SMAD4: variants seen among roughly 807,000 people sequenced by gnomAD.
SMAD4 encodes the protein SMAD family member 4, also known as MAD homolog 4.
In SMAD4, 7 loss-of-function variants were observed where a neutral mutation model predicts 63.2. The observed-to-expected ratio is 0.11, with a 90% CI of 0.06 to 0.21. SMAD4 has a LOEUF of 0.21. Ranked by LOEUF, SMAD4 falls within the 10% of genes least tolerant of loss-of-function variation. The pLI, the probability that SMAD4 is intolerant of heterozygous loss-of-function variation, is 1.00. For synonymous variants in SMAD4, 215 were observed against 235.4 expected (o/e 0.91, Z 0.79); for missense variants, 312 against 693.8 (o/e 0.45, Z 6.18).
chr18:51,033,202 T>G (rs1411793262), intron 1 of SMAD4, among the ~76,000 whole-genome samples: 3 of 150,372 alleles, frequency 2.0e-5, no homozygotes, highest in African/African-American at 7.4e-5. Flanking sequence ...TTTTTTTTTT[T>G]TTTTTGAGAT....
chr18:51,075,358 C>G (rs1910445182), intron 10 of SMAD4, among the ~76,000 whole-genome samples: 2 of 152,214 alleles, frequency 1.3e-5, no homozygotes, highest in South Asian at 4.1e-4. Context: ...TCAGATTTCT[C>G]TTATTTTCAA....
Position 51,073,175 on chromosome 18 carries a change from A to T in SMAD4, c.1309-3463A>T, listed in dbSNP as rs138741678. Among the ~76,000 whole-genome samples the T allele has an allele frequency of 9.9e-5, 15 of 152,026 alleles. No individual in the cohort carries two copies. In the East Asian group the frequency reaches 2.7e-3, roughly 27 times the overall value. The stretch of plus-strand genomic sequence containing the variant: ...ACCTGTAATATGTGCTGCTGATGTT[A>T]GCATAGATTCAGGCTGAAACAATCC... On this transcript the variant is annotated intron_variant, in intron 10 of 11. Transcript: ENST00000342988.
rs1029049533 is a variant in SMAD4 at position 51,054,149 on chromosome 18, C to G, written c.455-632C>G. 1.4e-4 allele frequency: 21 copies of G among 153,750 alleles called. No individual in the cohort carries two copies. The East Asian group carries it at 2.7e-3, about 20-fold the overall frequency. The allele number at this position is 153,750 out of a possible 1,614,324, so 9.5% of individuals were successfully genotyped here. On this transcript the variant is annotated intron_variant, in intron 4 of 11. Coordinates refer to ENST00000342988, the MANE Select transcript of SMAD4 (RefSeq NM_005359.6). ...GAGTTTTCTCACACCATATATTAAT[C>G]AAATACTCTTATTTGGGTTGGGTTT...
At position 51,067,176 on chromosome 18, in the gene SMAD4, G is replaced by A. The variant is rs1599197175; in HGVS notation, c.1297G>A (p.Ala433Thr). 1 of 1,578,270 alleles carries A rather than the reference G, an allele frequency of 6.3e-7. No individual in the cohort carries two copies. Among genetic ancestry groups the A allele is most frequent in the African/African-American group, 1.3e-5 (1 of 74,196 alleles). Residue 433 changes from alanine to threonine, a missense_variant, in exon 10 of 12, where the codon GCA becomes ACA. By Grantham distance (58) the Ala-to-Thr change is moderately conservative. Around this residue, in one of 4 missense-constraint regions of SMAD4, gnomAD observed 92 missense variants for 305.9 expected, o/e 0.30. Transcript: ENST00000342988. The stretch of plus-strand genomic sequence containing the variant: ...TGCTGTTCATAAGATCTACCCAAGT[G>A]CATATATAAAGGTTAGTTACAATTT... ...GDAVHKIYPS[A>T]YIKVFDLRQC...
chr18:51,031,493 A>G (rs186055305), intron 1 of SMAD4, among the ~76,000 whole-genome samples: 62 of 152,296 alleles, frequency 4.1e-4, no homozygotes, highest in Admixed American at 1.3e-3. Context: ...TTCTTAATGC[A>G]TTTAGTTTTT....
chr18:51,074,988 G>A (rs1471441242), intron 10 of SMAD4, among the ~76,000 whole-genome samples: 1 of 152,130 alleles, frequency 6.6e-6, no homozygotes, highest in Non-Finnish European at 1.5e-5. Flanking sequence ...GGGATTACAG[G>A]CATCTGCCAC....
intron 10 of SMAD4, among the ~76,000 whole-genome samples, chr18:51,073,565 C>T (rs1343120262): frequency 6.6e-6 from 1 of 151,506 alleles, no homozygotes; most frequent in East Asian, 1.9e-4. Flanking sequence ...GAGTCTTGCT[C>T]TGTTGCCCAG....
intron 1 of SMAD4, among the ~76,000 whole-genome samples, chr18:51,038,859 C>T (rs1055869750): frequency 3.3e-5 from 5 of 151,976 alleles, no homozygotes; most frequent in East Asian, 1.9e-4. Flanking sequence ...GTATATAGCC[C>T]GCATAAAAGC....
At chr18:51,065,652 G>GTACAT in intron 9 of SMAD4, 46 bp downstream of exon 9, 1 of 1,482,192 alleles carries the variant, frequency 6.7e-7, no homozygotes, top group Non-Finnish European at 9.4e-7. Flanking sequence ...ATTGAGCATA[G>GTACAT]TACATTGTCT....
rs768803926 is a variant in SMAD4 at position 51,047,037 on chromosome 18, A to T, written c.-10A>T. On this transcript the variant is annotated 5_prime_UTR_variant, in exon 2 of 12. Coordinates refer to ENST00000342988, the MANE Select transcript of SMAD4 (RefSeq NM_005359.6). ...AGACATATTTGATTTAAAAGGAAAA[A>T]CTTGAACAAATGGACAATATGTCTA... The T allele has an allele frequency of 1.2e-6, 2 of 1,613,056 alleles. No homozygotes were observed. The highest frequency in any genetic ancestry group is 1.7e-6 in the Non-Finnish European group (2 of 1,179,146).
At position 51,037,764 on chromosome 18, in the gene SMAD4, CAG is replaced by C. The variant is rs1212161344; in HGVS notation, c.-128+7143_-128+7144del. Among the ~76,000 whole-genome samples the C allele has an allele frequency of 3.9e-5, 6 of 152,212 alleles. No individual in the cohort carries two copies. In the East Asian group the frequency reaches 1.2e-3, roughly 29 times the overall value. ...TTTTTATTTTTATTTAACAGGATGA[CAG>C]ATAAGCTCAGATAGCTATTTAGATT... On this transcript the variant is annotated intron_variant, in intron 1 of 11. Coordinates refer to ENST00000342988, the MANE Select transcript of SMAD4 (RefSeq NM_005359.6).
intron 4 of SMAD4, 48 bp downstream of exon 4, chr18:51,049,372 C>G (rs1234393672): frequency 6.9e-7 from 1 of 1,452,682 alleles, no homozygotes; most frequent in Admixed American, 1.7e-5. Context: ...GTCCTATCCT[C>G]TCTGTTTTTT....
rs34008927 is a variant in SMAD4, at chr18:51,033,186, AT to A, written c.-128+2584del. Among the ~76,000 whole-genome samples, 641 of 117,298 alleles carry A rather than the reference AT, an allele frequency of 5.5e-3. 3 individuals are homozygous for A. Among genetic ancestry groups the A allele is most frequent in the African/African-American group, 0.018 (545 of 31,072 alleles). The allele number at this position is 117,298 out of a possible 152,430, so 77.0% of individuals were successfully genotyped here. A position where few individuals can be genotyped will look rare whatever the true frequency, so the allele number is the denominator to read the frequency against. On this transcript the variant is annotated intron_variant, in intron 1 of 11. Coordinates refer to ENST00000342988, the MANE Select transcript of SMAD4 (RefSeq NM_005359.6). ...AGGACTTACACCAGCATAACACAGC[AT>A]TTTTTTTTTTTTTTTTTTTTGAGAT...
intron 4 of SMAD4, chr18:51,053,460 T>TA (rs1199718037): frequency 1.3e-5 from 2 of 152,202 alleles, no homozygotes; most frequent in African/African-American, 4.8e-5. Flanking sequence ...CAGTTTTTTT[T>TA]ATTGATACAT....
chr18:51,070,487 T>C (rs2054921689), intron 10 of SMAD4, among the ~76,000 whole-genome samples: 1 of 152,226 alleles, frequency 6.6e-6, no homozygotes, highest in Admixed American at 6.5e-5. Context: ...GATTTTAAAA[T>C]AATTATGTCT....
intron 9 of SMAD4, among the ~76,000 whole-genome samples, chr18:51,066,207 G>T (rs1438948932): frequency 6.6e-6 from 1 of 151,904 alleles, no homozygotes; most frequent in South Asian, 2.1e-4. Context: ...AGCCATATGT[G>T]GTGGTGTCCA....
At chr18:51,073,388 T>TACAC (rs201632233) in intron 10 of SMAD4, among the ~76,000 whole-genome samples, 56 of 64,136 alleles carry the variant, frequency 8.7e-4, no homozygotes, top group African/African-American at 3.1e-3. Context: ...TATATATATA[T>TACAC]ACACACACAC....
intron 8 of SMAD4, among the ~76,000 whole-genome samples, chr18:51,063,706 C>A (rs570665403): frequency 6.6e-6 from 1 of 152,316 alleles, no homozygotes; most frequent in African/African-American, 2.4e-5. Context: ...AGCCACCATG[C>A]CCGGCTGAAA....
chr18:51,060,270 A>G (rs57590952), intron 8 of SMAD4, among the ~76,000 whole-genome samples: 10,166 of 152,276 alleles, frequency 0.067, 1,052 homozygotes, highest in African/African-American at 0.22. Flanking sequence ...AATCTTAAGT[A>G]CATGCCGAAA....
Sources: allele counts gnomAD v4.1 joint callset (sites outside exome capture counted in the v4.1 genomes callset), GRCh38; gene constraint gnomAD v4.1.1; regional missense constraint gnomAD v4.1.1; transcripts MANE v1.5; gene names NCBI Gene and HGNC (gene_info 2026-07-23, HGNC 2026-07-21).